The following RBM44 variants were observed in gnomAD, a reference collection of about 807,000 sequenced individuals.
The protein encoded by RBM44 is RNA binding motif protein 44.
In RBM44, 66 loss-of-function variants were observed where a neutral mutation model predicts 105.1. The observed-to-expected ratio is 0.63, with a 90% CI of 0.52 to 0.77. RBM44 has a LOEUF of 0.77. RBM44 is among the 30% of genes least tolerant of loss of function. RBM44 has a pLI of 0.00. For synonymous variants in RBM44, 365 were observed against 417.6 expected, an observed-to-expected ratio of 0.87 and a Z score of 1.54; for missense variants, 1,122 against 1,207.8, an observed-to-expected ratio of 0.93 and a Z score of 1.05.
intron 12 of RBM44, among the ~76,000 whole-genome samples, chr2:237,828,315 T>C (rs1385686559): frequency 1.3e-5 from 2 of 152,106 alleles, no homozygotes; most frequent in Non-Finnish European, 2.9e-5. Flanking sequence ...TGCAATTTAT[T>C]AAAAATGTGT....
At chr2:237,834,512 A>C in intron 15 of RBM44, 89 bp downstream of exon 15, 1 of 603,832 alleles carries the variant, frequency 1.7e-6, no homozygotes, top group Non-Finnish European at 2.6e-6. Context: ...AAAACATATT[A>C]AATTTAAAAT....
chr2:237,799,874 A>T (rs73086743), intron 1 of RBM44, among the ~76,000 whole-genome samples: 2,925 of 152,228 alleles, frequency 0.019, 103 homozygotes, highest in African/African-American at 0.065. Flanking sequence ...GACCTCAGGG[A>T]TAAGGGAGGT....
At chr2:237,812,940 G>GTACCCCCAAAA (rs1277437189) in intron 1 of RBM44, among the ~76,000 whole-genome samples, 1 of 152,092 alleles carries the variant, frequency 6.6e-6, no homozygotes, top group Non-Finnish European at 1.5e-5. Flanking sequence ...CCCAAAATAT[G>GTACCCCCAAAA]TACATCTAAT....
intron 1 of RBM44, among the ~76,000 whole-genome samples, chr2:237,807,543 T>C (rs2061611346): frequency 6.6e-6 from 1 of 152,236 alleles, no homozygotes; most frequent in Admixed American, 6.5e-5. Context: ...ATAGGAACCT[T>C]AAGAAGTAAG....
chr2:237,840,760 C>CATG (rs1234005858), intron 15 of RBM44, among the ~76,000 whole-genome samples: 1 of 152,110 alleles, frequency 6.6e-6, no homozygotes, highest in Non-Finnish European at 1.5e-5. Flanking sequence ...GGGTGAAGGA[C>CATG]ATGAACAGAC....
At chr2:237,807,618 G>A (rs1038004752) in intron 1 of RBM44, among the ~76,000 whole-genome samples, 8 of 151,956 alleles carry the variant, frequency 5.3e-5, no homozygotes, top group African/African-American at 1.9e-4. Context: ...GATTTGAGAG[G>A]ATAGGCTGTG....
Position 237,803,377 on chromosome 2 carries a change from A to G in RBM44, c.-19+4516A>G, listed in dbSNP as rs2061567163. Among the ~76,000 whole-genome samples the G allele has an allele frequency of 6.6e-6, 1 of 152,052 alleles. No homozygotes were observed. The highest frequency in any genetic ancestry group is 2.1e-4 in the South Asian group (1 of 4,818). On this transcript the variant is annotated intron_variant, in intron 1 of 15. Transcript: ENST00000316997. This position sits in a 1 kb window ranked among gnomAD's most constrained non-coding sequence, Gnocchi z 4.2. ...CTCTCTCACTCACACACACACACAC[A>G]AATTTTAAGCCATTCTAATGAATGT...
In RBM44 at chr2:237,832,429, C is replaced by T. The variant is rs1234178264; in HGVS notation, c.2887-1568C>T. 5.3e-5 allele frequency among the ~76,000 whole-genome samples: 8 copies of T among 152,196 alleles called. No individual in the cohort carries two copies. The East Asian group carries it at 1.5e-3, about 29-fold the overall frequency. ...TTGGCCTCCCAAAGTGCTGGGATTA[C>T]AGGTGTGAGCCACCACACCCTGCTA... On this transcript the variant is annotated intron_variant, in intron 13 of 15. Transcript: ENST00000316997.
intron 15 of RBM44, among the ~76,000 whole-genome samples, chr2:237,838,188 G>A (rs901743802): frequency 9.9e-5 from 15 of 152,174 alleles, no homozygotes; most frequent in African/African-American, 3.4e-4. Context: ...AGCAGCTGGA[G>A]GGAGAAAGTT....
chr2:237,821,418 C>T (rs1378814170), intron 7 of RBM44, 50 bp downstream of exon 7: 3 of 1,365,500 alleles, frequency 2.2e-6, no homozygotes, highest in African/African-American at 1.5e-5. Context: ...CTAAAAATTG[C>T]TTAATTCAGT....
intron 5 of RBM44, 69 bp from the exon 6 acceptor site, chr2:237,821,002 A>G: frequency 1.8e-6 from 2 of 1,122,328 alleles, no homozygotes; most frequent in Non-Finnish European, 2.5e-6. Context: ...AGTGTATAAT[A>G]TAATATTAGT....
At position 237,841,425 on chromosome 2, in the gene RBM44, G is replaced by A. The variant is rs890944632; in HGVS notation, c.*23-414G>A. ...CACTGCAGCCTACTTAATGTTAGAC[G>A]GTAGGAGGAGGGTGAGGATCAAAAC... is the stretch of plus-strand genomic sequence containing the variant. On this transcript the variant is annotated intron_variant, in intron 15 of 15. Coordinates refer to ENST00000316997, the MANE Select transcript of RBM44 (RefSeq NM_001080504.3). This position sits in a 1 kb window ranked among gnomAD's most constrained non-coding sequence, Gnocchi z 4.5. 6.6e-5 allele frequency among the ~76,000 whole-genome samples: 10 copies of A among 152,230 alleles called. No individual in the cohort carries two copies. The highest frequency in any genetic ancestry group is 1.3e-4 in the Non-Finnish European group (9 of 68,020).
At chr2:237,821,670 T>C (rs1331630254) in intron 7 of RBM44, 73 bp from the exon 8 acceptor site, 22 of 1,032,764 alleles carry the variant, frequency 2.1e-5, no homozygotes, top group Non-Finnish European at 2.7e-5. Flanking sequence ...GAAATATACA[T>C]TGTAGTTAAC....
At chr2:237,831,993 T>C (rs1305446154) in intron 13 of RBM44, among the ~76,000 whole-genome samples, 1 of 152,138 alleles carries the variant, frequency 6.6e-6, no homozygotes, top group Non-Finnish European at 1.5e-5. Flanking sequence ...CTGCTCTCCC[T>C]GTGTTCATTC....
intron 1 of RBM44, among the ~76,000 whole-genome samples, chr2:237,808,055 G>A (rs762762325): frequency 1.1e-4 from 16 of 152,076 alleles, no homozygotes; most frequent in African/African-American, 1.9e-4. Flanking sequence ...CAGAGATTCC[G>A]GTTACTGGAG....
At chr2:237,820,072 T>G (rs1357749529) in intron 4 of RBM44, 103 bp from the exon 5 acceptor site, 6 of 581,728 alleles carry the variant, frequency 1.0e-5, no homozygotes, top group Non-Finnish European at 1.7e-5. Flanking sequence ...TGATTTAAAC[T>G]TGACAGGGAA....
Position 237,818,056 on chromosome 2 carries a change from T to C in RBM44, c.1137T>C (p.Thr379=). The C allele has an allele frequency of 6.2e-7, 1 of 1,612,912 alleles. No homozygotes were observed. The highest frequency in any genetic ancestry group is 8.5e-7 in the Non-Finnish European group (1 of 1,179,422). Reference sequence around the variant, plus strand: ...TCCAACCCTGTAAAGATTGTCAAACTTCCTGGACCTCTGTTTTTGATGATT... The same window carrying C: ...TCCAACCCTGTAAAGATTGTCAAACCTCCTGGACCTCTGTTTTTGATGATT... ...TLLQPCKDCQ[T]SWTSVFDDSI... is the part of the protein sequence containing the mutation. The change falls in exon 3 of 16, where the codon ACT becomes ACC. Residue 379 remains threonine (T), a synonymous_variant. Transcript: ENST00000316997. This position sits in a 1 kb window ranked among gnomAD's most constrained non-coding sequence, Gnocchi z 4.6.
At chr2:237,824,908 G>A (rs902767544) in intron 10 of RBM44, among the ~76,000 whole-genome samples, 1 of 151,944 alleles carries the variant, frequency 6.6e-6, no homozygotes, top group African/African-American at 2.4e-5. Flanking sequence ...TGTGATTATT[G>A]CCCTTCTGTC....
intron 1 of RBM44, 129 bp from the exon 2 acceptor site, chr2:237,813,463 C>T (rs1010566951): frequency 1.3e-5 from 7 of 533,748 alleles, no homozygotes; most frequent in African/African-American, 9.7e-5. Flanking sequence ...CTTTTAGTGA[C>T]CTAATGCATT....
Sources: gnomAD v4.1 joint callset for allele counts (sites outside exome capture counted in the v4.1 genomes callset) on GRCh38, gnomAD v4.1.1 for gene constraint, Gnocchi (gnomAD v3.1) non-coding constraint, MANE v1.5 for transcripts, NCBI Gene and HGNC (gene_info 2026-07-23, HGNC 2026-07-21) for gene names.